Variants in WWOX observed in about 807,000 individuals in gnomAD.
WWOX encodes the protein WW domain containing oxidoreductase.
A neutral mutation model predicts 46.2 loss-of-function variants in WWOX; 69 were observed. The observed-to-expected ratio is 1.49, with a 90% confidence interval of 1.23 to 1.82. WWOX has a LOEUF of 1.82. WWOX is among the 40% of genes most tolerant of loss of function. The pLI is 0.00. For missense variants in WWOX, 919 were observed against 542.6 expected (o/e 1.69, Z -6.89); for synonymous variants, 359 against 202.6 (o/e 1.77, Z -6.56).
chr16:78,641,696 G>A (rs2046716232), intron 8 of WWOX, among the ~76,000 whole-genome samples: 1 of 152,152 alleles, frequency 6.6e-6, no homozygotes, highest in Admixed American at 6.6e-5. Flanking sequence ...CTCCGGGAAT[G>A]CCTAGGTTTA....
At chr16:79,135,066 A>C (rs1337558016) in intron 8 of WWOX, among the ~76,000 whole-genome samples, 2 of 152,242 alleles carry the variant, frequency 1.3e-5, no homozygotes, top group African/African-American at 2.4e-5. Flanking sequence ...ATATACAAAT[A>C]ATACATAAAC....
intron 5 of WWOX, among the ~76,000 whole-genome samples, chr16:78,381,928 C>T (rs201608944): frequency 3.9e-5 from 6 of 152,148 alleles, no homozygotes; most frequent in East Asian, 1.9e-4. Context: ...TGCAGTGGCA[C>T]GATCATGTCT....
At chr16:78,652,139 T>C (rs184028843) in intron 8 of WWOX, among the ~76,000 whole-genome samples, 1 of 152,074 alleles carries the variant, frequency 6.6e-6, no homozygotes, top group African/African-American at 2.4e-5. Flanking sequence ...GGGCTGGGCG[T>C]GGTGGCTCAC....
At chr16:78,174,537 A>G (rs2035270379) in intron 5 of WWOX, among the ~76,000 whole-genome samples, 1 of 152,212 alleles carries the variant, frequency 6.6e-6, no homozygotes, top group African/African-American at 2.4e-5. Context: ...TTCTTCTGAC[A>G]TGCTAAATAC....
Position 79,066,507 on chromosome 16 carries a change from A to G in WWOX, c.1057-145101A>G, listed in dbSNP as rs543762764. 9.9e-5 allele frequency among the ~76,000 whole-genome samples: 15 copies of G among 152,272 alleles called. No homozygotes were observed. The East Asian group carries it at 1.9e-3, about 20-fold the overall frequency. On this transcript the variant is annotated intron_variant, in intron 8 of 8. Transcript: ENST00000566780. ...ACAGAAGGAAGGAAGGGGGAAGGGA[A>G]GAAGGGAGGAAGGGAGGGAAGGAAG...
chr16:78,931,818 C>A (rs987384752), intron 8 of WWOX, among the ~76,000 whole-genome samples: 2 of 152,196 alleles, frequency 1.3e-5, no homozygotes, highest in African/African-American at 2.4e-5. Flanking sequence ...TCATCTTGAA[C>A]TTTAGCTCCC....
intron 8 of WWOX, among the ~76,000 whole-genome samples, chr16:78,555,907 C>G (rs1197299292): frequency 2.6e-5 from 4 of 152,084 alleles, no homozygotes; most frequent in Admixed American, 6.5e-5. Context: ...TTAAAAGTGT[C>G]TACTGCAGGG....
chr16:78,644,364 CA>C (rs2046792043), intron 8 of WWOX, among the ~76,000 whole-genome samples: 1 of 152,080 alleles, frequency 6.6e-6, no homozygotes, highest in Non-Finnish European at 1.5e-5. Flanking sequence ...TCTATGCAAA[CA>C]AAAATTTTAA....
chr16:79,193,682 C>G (rs902761751), intron 8 of WWOX, among the ~76,000 whole-genome samples: 7 of 152,130 alleles, frequency 4.6e-5, no homozygotes, highest in African/African-American at 1.7e-4. Flanking sequence ...CAGCAAAGAC[C>G]CCAGGTGAGA....
intron 8 of WWOX, among the ~76,000 whole-genome samples, chr16:78,739,463 G>A (rs1248220884): frequency 1.3e-5 from 2 of 152,158 alleles, no homozygotes; most frequent in Non-Finnish European, 2.9e-5. Flanking sequence ...GGAAAGGGTT[G>A]TGGAATTGGG....
chr16:78,415,477 T>C (rs745684425), intron 6 of WWOX, among the ~76,000 whole-genome samples: 2 of 152,174 alleles, frequency 1.3e-5, no homozygotes, highest in Non-Finnish European at 2.9e-5. Context: ...CTCGTGGGAA[T>C]GCAGCCCAGT....
chr16:78,157,736 G>A (rs145203848), intron 4 of WWOX, among the ~76,000 whole-genome samples: 9 of 152,300 alleles, frequency 5.9e-5, no homozygotes, highest in African/African-American at 1.9e-4. Flanking sequence ...GGTGGAGCCC[G>A]AGGTTGATTT....
intron 8 of WWOX, among the ~76,000 whole-genome samples, chr16:78,780,208 A>G (rs1339215717): frequency 1.3e-5 from 2 of 152,108 alleles, no homozygotes; most frequent in Non-Finnish European, 1.5e-5. Context: ...TCCTTCCAAG[A>G]AAAAACACCC....
At chr16:78,795,981 A>G (rs1353135256) in intron 8 of WWOX, among the ~76,000 whole-genome samples, 2 of 152,336 alleles carry the variant, frequency 1.3e-5, no homozygotes, top group African/African-American at 2.4e-5. Flanking sequence ...TAAGGCAAAG[A>G]ACATTTTGTG....
chr16:79,108,860 C>T (rs766542231), intron 8 of WWOX, among the ~76,000 whole-genome samples: 25 of 151,802 alleles, frequency 1.6e-4, no homozygotes, highest in East Asian at 3.9e-4. Context: ...ATGATCATGC[C>T]GCTGCACTCC....
intron 4 of WWOX, among the ~76,000 whole-genome samples, chr16:78,143,463 T>C (rs1161263700): frequency 1.3e-5 from 2 of 152,174 alleles, no homozygotes; most frequent in African/African-American, 4.8e-5. Context: ...GGCCCACTTT[T>C]GTAAATCAGG....
At chr16:78,122,248 G>T (rs140330644) in intron 4 of WWOX, among the ~76,000 whole-genome samples, 42 of 152,278 alleles carry the variant, frequency 2.8e-4, no homozygotes, top group African/African-American at 9.9e-4. Flanking sequence ...GAGGATAAGG[G>T]GGGGCTACTG....
intron 5 of WWOX, among the ~76,000 whole-genome samples, chr16:78,356,465 A>G (rs942418052): frequency 6.6e-6 from 1 of 152,166 alleles, no homozygotes; most frequent in Non-Finnish European, 1.5e-5. Context: ...GGAAGGAGAT[A>G]TGACACATCT....
chr16:79,120,093 A>G (rs117308655), intron 8 of WWOX, among the ~76,000 whole-genome samples: 3 of 152,094 alleles, frequency 2.0e-5, no homozygotes, highest in Non-Finnish European at 4.4e-5. Flanking sequence ...TAACATTTTC[A>G]CTTAACATCC....
Sources: gnomAD v4.1 joint callset for allele counts (sites outside exome capture counted in the v4.1 genomes callset) on GRCh38, gnomAD v4.1.1 for gene constraint, MANE v1.5 for transcripts, NCBI Gene and HGNC (gene_info 2026-07-23, HGNC 2026-07-21) for gene names.